PACSIN1: variants seen among roughly 807,000 people sequenced by gnomAD.
PACSIN1 encodes protein kinase C and casein kinase substrate in neurons 1, also known as protein kinase C and casein kinase substrate in neurons protein 1.
PACSIN1 carries 15 observed loss-of-function variants against 59.5 expected under a neutral mutation model. The ratio of observed to expected loss-of-function variants is 0.25; its 90% confidence interval spans 0.17 to 0.39. The LOEUF is 0.39. PACSIN1 is among the 10% of genes least tolerant of loss of function. The pLI is 1.00. For synonymous variants in PACSIN1, 210 were observed against 220.6 expected, an observed-to-expected ratio of 0.95 and a Z score of 0.42; for missense variants, 420 against 580.2, an observed-to-expected ratio of 0.72 and a Z score of 2.84.
intron 1 of PACSIN1, among the ~76,000 whole-genome samples, chr6:34,496,717 G>C (rs1766952575): frequency 6.6e-6 from 1 of 152,100 alleles, no homozygotes; most frequent in Non-Finnish European, 1.5e-5. Context: ...AAATGGCTTT[G>C]GGTGGCCCCT....
chr6:34,523,414 C>T, intron 1 of PACSIN1, among the ~76,000 whole-genome samples: 1 of 152,252 alleles, frequency 6.6e-6, no homozygotes, highest in Non-Finnish European at 1.5e-5. Context: ...GTGGGAGTGA[C>T]AGCAGAATCT....
intron 1 of PACSIN1, among the ~76,000 whole-genome samples, chr6:34,490,640 G>A (rs542238387): frequency 1.3e-5 from 2 of 152,318 alleles, no homozygotes; most frequent in South Asian, 2.1e-4. Context: ...CAACTAGCAG[G>A]TCTTCAGAGG....
rs1013176449 is a variant in PACSIN1 at position 34,518,628 on chromosome 6, C to G, written c.-63-7615C>G. Among the ~76,000 whole-genome samples the G allele has an allele frequency of 4.6e-5, 7 of 152,222 alleles. No homozygotes were observed. Among genetic ancestry groups the G allele is most frequent in the African/African-American group, 1.7e-4 (7 of 41,464 alleles). On this transcript the variant is annotated intron_variant, in intron 1 of 9. Transcript: ENST00000244458. The surrounding 1 kb of genome is among the most constrained non-coding windows in gnomAD (Gnocchi z 4.4). ...AGTTACCACTGCGGGCAATTCAGCT[C>G]ACTCCCGCTGGAGAGCTCTGGGAGG...
intron 3 of PACSIN1, 51 bp from the exon 4 acceptor site, chr6:34,528,591 G>T (rs757083326): frequency 2.3e-6 from 3 of 1,318,332 alleles, no homozygotes; most frequent in East Asian, 2.3e-5. Flanking sequence ...GTGAGGGGGG[G>T]CCTCTGGGCA....
At chr6:34,485,024 C>A in intron 1 of PACSIN1, 1 of 151,962 alleles carries the variant, frequency 6.6e-6, no homozygotes. Context: ...GGTGCTAGCC[C>A]CGACTCAGGG....
Position 34,530,373 on chromosome 6 carries a change from T to C in PACSIN1, c.909+10T>C. On this transcript the variant is annotated intron_variant, in intron 7 of 9. Transcript: ENST00000244458. This position sits in a 1 kb window ranked among gnomAD's most constrained non-coding sequence, Gnocchi z 4.4. ...CTGGCCCCAGTTTGAGGTGAGGATA[T>C]GTGGGGATGGGAAGGGGAGCCTGAA... is the stretch of plus-strand genomic sequence containing the variant. 1 of 1,612,804 alleles carries C rather than the reference T, an allele frequency of 6.2e-7. No homozygotes were observed. Among genetic ancestry groups the C allele is most frequent in the Non-Finnish European group, 8.5e-7 (1 of 1,179,102 alleles).
chr6:34,483,635 CTTTTTTTT>C (rs10608785), intron 1 of PACSIN1, among the ~76,000 whole-genome samples: 4 of 46,696 alleles, frequency 8.6e-5, no homozygotes, highest in Non-Finnish European at 1.1e-4. Flanking sequence ...CCTTCAAGGA[CTTTTTTTT>C]TTTTTTTTTT....
At position 34,529,178 on chromosome 6, in the gene PACSIN1, G is replaced by A. The variant is rs763941339; in HGVS notation, c.457-219G>A. Among the ~76,000 whole-genome samples, 17 of 152,088 alleles carry A rather than the reference G, an allele frequency of 1.1e-4. No homozygotes were observed. The highest frequency in any genetic ancestry group is 1.8e-4 in the Non-Finnish European group (12 of 68,010). On this transcript the variant is annotated intron_variant, in intron 4 of 9. Transcript: ENST00000244458. The surrounding 1 kb of genome is among the most constrained non-coding windows in gnomAD (Gnocchi z 6.3). ...GCGGGCACTGCACTGCCTGACAGGA[G>A]GGTATCTGCAGGGGAGCAGGCAGTG...
In PACSIN1 at chr6:34,532,662, A is replaced by G; in HGVS notation, c.*132A>G. The stretch of plus-strand genomic sequence containing the variant: ...AAGCTTTTATTTTTTTAAAAGTCAA[A>G]ACAGAACAAAACAAAGTATGCAGAG... On this transcript the variant is annotated 3_prime_UTR_variant, in exon 10 of 10. Coordinates refer to ENST00000244458, the MANE Select transcript of PACSIN1 (RefSeq NM_020804.5). The surrounding 1 kb of genome is among the most constrained non-coding windows in gnomAD (Gnocchi z 5.2). 1 of 631,380 alleles carries G rather than the reference A, an allele frequency of 1.6e-6. No homozygotes were observed. The allele number at this position is 631,380 out of a possible 1,614,324, so 39.1% of individuals were successfully genotyped here.
intron 1 of PACSIN1, among the ~76,000 whole-genome samples, chr6:34,475,030 AGAG>A (rs1561954763): frequency 6.6e-6 from 1 of 152,092 alleles, no homozygotes; most frequent in Non-Finnish European, 1.5e-5. Context: ...TCACCCCCTC[AGAG>A]AGGCCTCCCA....
At chr6:34,517,969 C>A (rs1457545975) in intron 1 of PACSIN1, among the ~76,000 whole-genome samples, 1 of 152,252 alleles carries the variant, frequency 6.6e-6, no homozygotes, top group Non-Finnish European at 1.5e-5. Flanking sequence ...GGCTCAGCAT[C>A]TGTGCTGTCG....
At position 34,531,198 on chromosome 6, in the gene PACSIN1, C is replaced by T. The variant is rs1767587637; in HGVS notation, c.1038-402C>T. 6.6e-6 allele frequency among the ~76,000 whole-genome samples: 1 copy of T among 152,190 alleles called. No homozygotes were observed. Among genetic ancestry groups the T allele is most frequent in the African/African-American group, 2.4e-5 (1 of 41,428 alleles). On this transcript the variant is annotated intron_variant, in intron 8 of 9. Transcript: ENST00000244458. The surrounding 1 kb of genome is among the most constrained non-coding windows in gnomAD (Gnocchi z 4.4). ...TCATGCTCAAGTGCGTAAATATTAC[C>T]ATTTTACAGATGGAGAAACTGAAAC...
rs776999931 is a variant in PACSIN1 at position 34,515,234 on chromosome 6, G to A, written c.-63-11009G>A. Among the ~76,000 whole-genome samples, 27 of 152,212 alleles carry A rather than the reference G, an allele frequency of 1.8e-4. No individual in the cohort carries two copies. Among genetic ancestry groups the A allele is most frequent in the Non-Finnish European group, 2.1e-4 (14 of 68,040 alleles). ...TGGGGCGCAGCCAGCATCCTGAGAGGTCTTGTCAGAACCGTCAGAACCTTG... is the reference window on the plus strand; with the variant it reads ...TGGGGCGCAGCCAGCATCCTGAGAGATCTTGTCAGAACCGTCAGAACCTTG... On this transcript the variant is annotated intron_variant, in intron 1 of 9. Transcript: ENST00000244458. This position sits in a 1 kb window ranked among gnomAD's most constrained non-coding sequence, Gnocchi z 4.4.
chr6:34,473,885 A>G (rs1481116639), intron 1 of PACSIN1, among the ~76,000 whole-genome samples: 1 of 152,222 alleles, frequency 6.6e-6, no homozygotes, highest in South Asian at 2.1e-4. Flanking sequence ...CACAATCACA[A>G]TACCATTATT....
intron 1 of PACSIN1, among the ~76,000 whole-genome samples, chr6:34,501,651 C>T (rs778814544): frequency 7.9e-5 from 12 of 152,054 alleles, no homozygotes; most frequent in Middle Eastern, 6.3e-3. Context: ...TTGATGGTGG[C>T]GTGATAAGAT....
At chr6:34,496,601 C>G (rs1363636403) in intron 1 of PACSIN1, among the ~76,000 whole-genome samples, 1 of 152,240 alleles carries the variant, frequency 6.6e-6, no homozygotes, top group East Asian at 1.9e-4. Flanking sequence ...CGTGGCTTGT[C>G]CTGTCTGTGA....
chr6:34,481,204 C>T (rs1766714453), intron 1 of PACSIN1, among the ~76,000 whole-genome samples: 1 of 151,902 alleles, frequency 6.6e-6, no homozygotes, highest in Non-Finnish European at 1.5e-5. Flanking sequence ...CATCACCATG[C>T]CTGGCTAATT....
Position 34,530,092 on chromosome 6 carries a change from C to T in PACSIN1, c.789-151C>T, listed in dbSNP as rs1010678512. 1.7e-5 allele frequency: 19 copies of T among 1,132,334 alleles called. No individual in the cohort carries two copies. The highest frequency in any genetic ancestry group is 6.3e-5 in the African/African-American group (4 of 63,588). The allele number at this position is 1,132,334 out of a possible 1,614,324, so 70.1% of individuals were successfully genotyped here. A position where few individuals can be genotyped will look rare whatever the true frequency, so the allele number is the denominator to read the frequency against. On this transcript the variant is annotated intron_variant, in intron 6 of 9. Coordinates refer to ENST00000244458, the MANE Select transcript of PACSIN1 (RefSeq NM_020804.5). This position sits in a 1 kb window ranked among gnomAD's most constrained non-coding sequence, Gnocchi z 4.4. ...GGAAAAGGAGTCCACCGAGCATGCC[C>T]GGAGCTTATTCTTGCAAAGCCCACA... is the stretch of plus-strand genomic sequence containing the variant.
chr6:34,511,840 G>A (rs1767207913), intron 1 of PACSIN1, among the ~76,000 whole-genome samples: 3 of 152,190 alleles, frequency 2.0e-5, no homozygotes, highest in Admixed American at 2.0e-4. Context: ...TGCTGAGCTG[G>A]GGAGAGGGGG....
Sources: allele counts gnomAD v4.1 joint callset (sites outside exome capture counted in the v4.1 genomes callset), GRCh38; gene constraint gnomAD v4.1.1; non-coding constraint Gnocchi (gnomAD v3.1); transcripts MANE v1.5; gene names NCBI Gene and HGNC (gene_info 2026-07-23, HGNC 2026-07-21).